ZNF800: variants seen among roughly 807,000 people sequenced by gnomAD.
ZNF800 encodes zinc finger protein 800.
A neutral mutation model predicts 59.5 loss-of-function variants in ZNF800; 13 were observed. The ratio of observed to expected loss-of-function variants is 0.22; its 90% CI spans 0.14 to 0.35. The LOEUF is 0.35. Ranked by LOEUF, ZNF800 falls within the 10% of genes least tolerant of loss-of-function variation. ZNF800 has a pLI of 1.00. For synonymous variants in ZNF800, 266 were observed against 265.7 expected (o/e 1.00, Z -0.01); for missense variants, 621 against 783.7 (o/e 0.79, Z 2.48).
At chr7:127,385,049 A>C (rs1043697551) in intron 3 of ZNF800, among the ~76,000 whole-genome samples, 1 of 152,226 alleles carries the variant, frequency 6.6e-6, no homozygotes, top group Non-Finnish European at 1.5e-5. Flanking sequence ...AAATGTTTTA[A>C]TTCAGATTCT....
At chr7:127,363,462 A>G (rs1800436780) in intron 1 of ZNF800, 2 of 152,104 alleles carry the variant, frequency 1.3e-5, no homozygotes, top group African/African-American at 4.8e-5. Context: ...ATAAACATTT[A>G]TCAACACCCA....
downstream of ZNF800, among the ~76,000 whole-genome samples, chr7:127,369,012 G>C (rs1259051341): frequency 6.8e-6 from 1 of 146,458 alleles, no homozygotes; most frequent in Non-Finnish European, 1.5e-5. Context: ...GAGTAAAGGG[G>C]AGGGGGAGGG....
rs1213067994 is a variant in ZNF800, at chr7:127,392,272, G to C, written c.-271C>G. On this transcript the variant is annotated 5_prime_UTR_variant, in exon 1 of 6. Coordinates refer to ENST00000265827, the MANE Select transcript of ZNF800 (RefSeq NM_176814.5). The stretch of plus-strand genomic sequence containing the variant: ...GCCACAGCTCACCACGTCCCTCCGC[G>C]GGCCGAGACGACTGCGGCGGCGGCT... 1.0e-5 allele frequency: 4 copies of C among 392,248 alleles called. No individual in the cohort carries two copies. The South Asian group carries it at 3.8e-4, about 38-fold the overall frequency. 24.3% of individuals were successfully genotyped at this position (392,248 alleles called of 1,614,324 possible).
chr7:127,367,814 A>T (rs972156136), downstream of ZNF800, among the ~76,000 whole-genome samples: 1 of 152,158 alleles, frequency 6.6e-6, no homozygotes, highest in African/African-American at 2.4e-5. Context: ...CACCGTACAA[A>T]ATTATCAAGA....
chr7:127,353,228 T>C (rs911874207), intron 1 of ZNF800, among the ~76,000 whole-genome samples: 3 of 152,196 alleles, frequency 2.0e-5, no homozygotes, highest in African/African-American at 7.2e-5. Context: ...CCTTTTGGGA[T>C]GTTTTGTTGG....
At chr7:127,353,294 G>A (rs1041872424) in intron 1 of ZNF800, among the ~76,000 whole-genome samples, 2 of 152,140 alleles carry the variant, frequency 1.3e-5, no homozygotes, top group African/African-American at 2.4e-5. Context: ...AAATATGGCA[G>A]GATCCTAACA....
intron 1 of ZNF800, among the ~76,000 whole-genome samples, chr7:127,353,486 TA>T (rs1800209638): frequency 6.6e-6 from 1 of 152,220 alleles, no homozygotes. Flanking sequence ...AACTGAATTT[TA>T]ACTATGATGA....
chr7:127,343,827 A>G (rs1020566507), downstream of ZNF800, among the ~76,000 whole-genome samples: 5 of 152,110 alleles, frequency 3.3e-5, no homozygotes, highest in African/African-American at 1.2e-4. Context: ...TCCAGTATTG[A>G]GAAACTACTA....
At chr7:127,389,627 T>A (rs903909163) in intron 2 of ZNF800, among the ~76,000 whole-genome samples, 2 of 152,172 alleles carry the variant, frequency 1.3e-5, no homozygotes, top group Non-Finnish European at 2.9e-5. Flanking sequence ...AACTACTCTA[T>A]AAGTTAACAA....
Position 127,374,366 on chromosome 7 carries a change from T to C in ZNF800, c.970A>G (p.Thr324Ala), listed in dbSNP as rs1480670087. The change falls in exon 5 of 6, where the codon ACA (threonine) becomes GCA (alanine). Residue 324 changes from threonine (T) to alanine (A), a missense_variant. Physicochemically the swap from Thr to Ala is moderately conservative, Grantham distance 58 (BLOSUM62 0). Transcript: ENST00000265827. ...RRDSITPDIA[T>A]KPGQPLFLDS... ...AGGAACAAAGGTTGCCCAGGCTTTG[T>C]TGCTATATCAGGAGTAATTGAATCC... is the stretch of plus-strand genomic sequence containing the variant. 6.2e-7 allele frequency: 1 copy of C among 1,613,850 alleles called. No individual in the cohort carries two copies. The highest frequency in any genetic ancestry group is 1.1e-5 in the South Asian group (1 of 91,066).
At position 127,374,294 on chromosome 7, in the gene ZNF800, A is replaced by T; in HGVS notation, c.1042T>A (p.Ser348Thr). The change falls in exon 5 of 6, where the codon TCT becomes ACT. Residue 348 changes from serine to threonine, a missense_variant. By Grantham distance (58) the Ser-to-Thr change is moderately conservative. This residue lies in a region of ZNF800 where 185 missense variants were observed against 177.6 expected (regional missense o/e 1.04). Transcript: ENST00000265827. ...AAATTGTATTCAGCCTTTGAAGAAG[A>T]CTTTTGTTTTCGAGTCTTAAAAGAT... ...KKSFKTRKQK[S>T]SSKAEYNLTA... is the part of the protein sequence containing the mutation. 1 of 1,613,306 alleles carries T rather than the reference A, an allele frequency of 6.2e-7. No individual in the cohort carries two copies.
chr7:127,348,628 C>G (rs547264347), intron 1 of ZNF800, among the ~76,000 whole-genome samples: 3 of 152,318 alleles, frequency 2.0e-5, no homozygotes, highest in Non-Finnish European at 2.9e-5. Context: ...TGTATACTTA[C>G]GTGTACATGT....
chr7:127,365,742 C>T (rs1800491978), downstream of ZNF800, among the ~76,000 whole-genome samples: 1 of 152,134 alleles, frequency 6.6e-6, no homozygotes, highest in Non-Finnish European at 1.5e-5. Flanking sequence ...AGTGCTCTAA[C>T]TTAATAAACT....
At chr7:127,361,423 A>G (rs532713316) in intron 1 of ZNF800, 1 of 152,064 alleles carries the variant, frequency 6.6e-6, no homozygotes, top group African/African-American at 2.4e-5. Context: ...CAGAAAATAA[A>G]TAATAAAAAT....
rs1400183727 is a variant in ZNF800 at position 127,373,557 on chromosome 7, A to G, written c.1779T>C (p.Ser593=). 1.2e-6 allele frequency: 2 copies of G among 1,614,188 alleles called. No individual in the cohort carries two copies. Among genetic ancestry groups the G allele is most frequent in the South Asian group, 2.2e-5 (2 of 91,088 alleles). Residue 593 remains serine (S), a synonymous_variant, in exon 5 of 6, where the codon TCT becomes TCC. Coordinates refer to ENST00000265827, the MANE Select transcript of ZNF800 (RefSeq NM_176814.5). ...KHSDSKHDGT[S]NSPSKKYEVA... is the part of the protein sequence containing the mutation. ...CTTCATACTTTTTACTAGGAGAGTTAGAAGTGCCATCATGTTTTGAATCAC... is the reference window on the plus strand; with the variant it reads ...CTTCATACTTTTTACTAGGAGAGTTGGAAGTGCCATCATGTTTTGAATCAC...
chr7:127,378,768 A>C (rs1296389456), intron 3 of ZNF800, among the ~76,000 whole-genome samples: 1 of 151,730 alleles, frequency 6.6e-6, no homozygotes, highest in African/African-American at 2.4e-5. Context: ...TTGTTGATCC[A>C]AGCATTCAAA....
At chr7:127,372,863 T>G (rs540481358) in intron 5 of ZNF800, 1 of 985,374 alleles carries the variant, frequency 1.0e-6, no homozygotes, top group East Asian at 1.1e-4. Context: ...CACAGATTAA[T>G]TTTTACAATA....
At chr7:127,367,007 GA>G (rs1800522599), downstream of ZNF800, among the ~76,000 whole-genome samples, 1 of 152,152 alleles carries the variant, frequency 6.6e-6, no homozygotes, top group African/African-American at 2.4e-5. Context: ...ACCATATTGA[GA>G]AGATACAGAG....
intron 5 of ZNF800, 157 bp downstream of exon 5, chr7:127,373,185 G>A: frequency 1.0e-6 from 1 of 985,416 alleles, no homozygotes; most frequent in Non-Finnish European, 1.2e-6. Flanking sequence ...CACTGAAGAG[G>A]TAAATGCAAT....
Sources: allele counts gnomAD v4.1 joint callset (sites outside exome capture counted in the v4.1 genomes callset), GRCh38; gene constraint gnomAD v4.1.1; regional missense constraint gnomAD v4.1.1; transcripts MANE v1.5; gene names NCBI Gene and HGNC (gene_info 2026-07-23, HGNC 2026-07-21).